ARMC2: variants seen among roughly 807,000 people sequenced by gnomAD.
ARMC2 encodes the protein armadillo repeat-containing protein 2.
Under a neutral mutation model 90.3 loss-of-function variants are expected in ARMC2, and 67 were observed. The observed-to-expected ratio is 0.74, with a 90% CI of 0.61 to 0.91. The LOEUF (loss-of-function observed/expected upper bound fraction) is 0.91. ARMC2 is among the 40% of genes least tolerant of loss of function. The probability of loss-of-function intolerance (pLI) is 0.00; values close to 1 mark genes in which losing one functional copy is unlikely to be tolerated. For missense variants in ARMC2, 920 were observed against 1,030.9 expected, an observed-to-expected ratio of 0.89 and a Z score of 1.47; for synonymous variants, 393 against 393.0, an observed-to-expected ratio of 1.00 and a Z score of 0.00.
intron 8 of ARMC2, among the ~76,000 whole-genome samples, chr6:108,908,793 G>C (rs1045465192): frequency 2.6e-5 from 4 of 152,090 alleles, no homozygotes; most frequent in Non-Finnish European, 4.4e-5. Flanking sequence ...GTCGTAGCCG[G>C]GCATGGTGGC....
At chr6:108,976,777 G>C (rs772256004), downstream of ARMC2, among the ~76,000 whole-genome samples, 2 of 152,190 alleles carry the variant, frequency 1.3e-5, no homozygotes, top group Non-Finnish European at 2.9e-5. Flanking sequence ...GCGAATGGGA[G>C]TTCACTCACG....
chr6:108,895,057 C>T (rs1375427556), intron 6 of ARMC2, among the ~76,000 whole-genome samples: 4 of 150,660 alleles, frequency 2.7e-5, no homozygotes, highest in East Asian at 2.0e-4. Flanking sequence ...TGAGCCACCA[C>T]GCCCGGCCTA....
intron 13 of ARMC2, among the ~76,000 whole-genome samples, chr6:108,955,405 A>G (rs1471490022): frequency 6.6e-6 from 1 of 152,068 alleles, no homozygotes; most frequent in East Asian, 1.9e-4. Context: ...TTGAAAACGC[A>G]TTTTCATATC....
the ARMC2 span, among the ~76,000 whole-genome samples, chr6:109,013,802 G>A: frequency 6.6e-6 from 1 of 152,050 alleles, no homozygotes; most frequent in Admixed American, 6.6e-5. Flanking sequence ...CATTTAAAAC[G>A]TTTCATTTAG....
At chr6:109,050,734 A>G in the ARMC2 span, among the ~76,000 whole-genome samples, 1 of 152,224 alleles carries the variant, frequency 6.6e-6, no homozygotes, top group South Asian at 2.1e-4. Flanking sequence ...CAGGAAGACC[A>G]ACCTTCCAAG....
chr6:108,987,182 C>T, the ARMC2 span: 1 of 176,686 alleles, frequency 5.7e-6, no homozygotes. Flanking sequence ...AAGCTTAAGT[C>T]ATTATCCAAG....
At chr6:109,038,367 C>T in the ARMC2 span, among the ~76,000 whole-genome samples, 1 of 152,182 alleles carries the variant, frequency 6.6e-6, no homozygotes, top group Non-Finnish European at 1.5e-5. Flanking sequence ...TGGTACATGC[C>T]TATAGTCCCA....
chr6:108,990,668 A>G, the ARMC2 span: 1 of 1,614,014 alleles, frequency 6.2e-7, no homozygotes, highest in African/African-American at 1.3e-5. Context: ...TGCAGTGAAT[A>G]TAGTTCCAAA....
At chr6:109,047,367 C>A in the ARMC2 span, among the ~76,000 whole-genome samples, 2 of 137,610 alleles carry the variant, frequency 1.5e-5, no homozygotes, top group Admixed American at 6.9e-5. Flanking sequence ...CCCTGCCCGG[C>A]CAGCCGCCCC....
intron 1 of ARMC2, among the ~76,000 whole-genome samples, chr6:108,849,188 C>G (rs760258499): frequency 6.6e-6 from 1 of 152,094 alleles, no homozygotes; most frequent in Non-Finnish European, 1.5e-5. Flanking sequence ...TTTTGTGATC[C>G]ATTCCCACAA....
chr6:108,998,168 C>T, the ARMC2 span, among the ~76,000 whole-genome samples: 1 of 152,164 alleles, frequency 6.6e-6, no homozygotes, highest in African/African-American at 2.4e-5. Flanking sequence ...ACCACCAGGC[C>T]ACACTATTTT....
At chr6:108,922,330 G>A (rs1177694045) in intron 10 of ARMC2, among the ~76,000 whole-genome samples, 1 of 151,776 alleles carries the variant, frequency 6.6e-6, no homozygotes, top group African/African-American at 2.4e-5. Flanking sequence ...GCGGTGGTGC[G>A]ATCAAAGGCA....
downstream of ARMC2, among the ~76,000 whole-genome samples, chr6:108,979,127 G>A (rs2128523826): frequency 6.6e-6 from 1 of 152,256 alleles, no homozygotes; most frequent in South Asian, 2.1e-4. Context: ...GCTGTGGCTG[G>A]TACCGGTTGT....
chr6:108,933,053 C>T (rs1775702194), intron 11 of ARMC2, among the ~76,000 whole-genome samples: 2 of 151,214 alleles, frequency 1.3e-5, no homozygotes, highest in Admixed American at 6.6e-5. Context: ...AGCTCATTTT[C>T]AGTTCCGTGT....
chr6:108,891,178 T>C (rs1469994326), intron 5 of ARMC2, among the ~76,000 whole-genome samples: 1 of 152,220 alleles, frequency 6.6e-6, no homozygotes, highest in Admixed American at 6.5e-5. Context: ...TGGTTCCAAG[T>C]TTTTGCTATT....
At chr6:108,985,663 T>G in the ARMC2 span, among the ~76,000 whole-genome samples, 29 of 152,332 alleles carry the variant, frequency 1.9e-4, no homozygotes, top group East Asian at 9.6e-4. Flanking sequence ...TCTTGTTTTG[T>G]GATCACTCTA....
Position 108,904,420 on chromosome 6 carries a change from C to T in ARMC2, c.1023+15C>T. On this transcript the variant is annotated intron_variant, in intron 8 of 17. Transcript: ENST00000392644. ...TAATTCTAGCAGTAAGTTTTTCTTT[C>T]CTCTGGTCTAGTAGACTATATCACA... 6.3e-7 allele frequency: 1 copy of T among 1,594,604 alleles called. No homozygotes were observed. The highest frequency in any genetic ancestry group is 8.5e-7 in the Non-Finnish European group (1 of 1,172,196).
Position 108,899,683 on chromosome 6 carries a change from T to G in ARMC2, c.749-11T>G, listed in dbSNP as rs1771929593. ...CATAGCTTTTTCTCCTGCTCTGGAT[T>G]TCTTTTGCAGTCCCAAAAGCTGACC... On this transcript the variant is annotated splice_polypyrimidine_tract_variant and intron_variant, in intron 6 of 17. Coordinates refer to ENST00000392644, the MANE Select transcript of ARMC2 (RefSeq NM_032131.6). 1 of 1,608,562 alleles carries G rather than the reference T, an allele frequency of 6.2e-7. No individual in the cohort carries two copies. Among genetic ancestry groups the G allele is most frequent in the Non-Finnish European group, 8.5e-7 (1 of 1,175,944 alleles).
intron 11 of ARMC2, among the ~76,000 whole-genome samples, chr6:108,934,693 A>G (rs927615119): frequency 6.6e-6 from 1 of 152,138 alleles, no homozygotes; most frequent in Non-Finnish European, 1.5e-5. Flanking sequence ...ATATGGTTAT[A>G]TGTTTCTCAT....
Sources: gnomAD v4.1 joint callset for allele counts (sites outside exome capture counted in the v4.1 genomes callset) on GRCh38, gnomAD v4.1.1 for gene constraint, MANE v1.5 for transcripts, NCBI Gene and HGNC (gene_info 2026-07-23, HGNC 2026-07-21) for gene names.